DNAH1: variants seen among roughly 807,000 people sequenced by gnomAD.
The protein encoded by DNAH1 is dynein axonemal heavy chain 1, also known as axonemal beta dynein heavy chain 1.
DNAH1 carries 327 observed loss-of-function variants against 484.3 expected under a neutral mutation model. That is an observed-to-expected ratio of 0.68 (90% CI 0.62 to 0.74). The LOEUF is 0.74. Ranked by LOEUF, DNAH1 falls within the 30% of genes least tolerant of loss-of-function variation. The pLI is 0.00. For synonymous variants in DNAH1, 2,192 were observed against 2,191.9 expected (o/e 1.00, Z 0.00); for missense variants, 5,052 against 5,546.8 (o/e 0.91, Z 2.83).
At chr3:52,320,419 T>A (rs1173398627) in intron 1 of DNAH1, among the ~76,000 whole-genome samples, 1 of 152,252 alleles carries the variant, frequency 6.6e-6, no homozygotes, top group Non-Finnish European at 1.5e-5. Context: ...GGGCTGAATG[T>A]CTGGGGCTTC....
In DNAH1 at chr3:52,362,850, C is replaced by T; in HGVS notation, c.5095-145C>T. The T allele has an allele frequency of 8.8e-7, 1 of 1,131,098 alleles. No homozygotes were observed. The highest frequency in any genetic ancestry group is 1.3e-6 in the Non-Finnish European group (1 of 779,274). 70.1% of individuals were successfully genotyped at this position (1,131,098 alleles called of 1,614,324 possible). On this transcript the variant is annotated intron_variant, in intron 31 of 77. Transcript: ENST00000420323. The surrounding 1 kb of genome is among the most constrained non-coding windows in gnomAD (Gnocchi z 5.1). ...GGATCCACTCTAATGGCAGAGCTACCAGTCTCAGGGGAGTGAAAGCCTCAG... is the reference window on the plus strand; with the variant it reads ...GGATCCACTCTAATGGCAGAGCTACTAGTCTCAGGGGAGTGAAAGCCTCAG...
chr3:52,318,423 A>T (rs1159551947), intron 1 of DNAH1, among the ~76,000 whole-genome samples: 1 of 152,226 alleles, frequency 6.6e-6, no homozygotes, highest in African/African-American at 2.4e-5. Flanking sequence ...CCCCATGCTG[A>T]GCACGTGGCA....
chr3:52,364,528 A>C lies in DNAH1; in HGVS notation c.5245-110A>C. The C allele has an allele frequency of 8.1e-7, 1 of 1,231,736 alleles. No homozygotes were observed. The highest frequency in any genetic ancestry group is 1.5e-5 in the African/African-American group (1 of 67,458). 76.3% of individuals were successfully genotyped at this position (1,231,736 alleles called of 1,614,324 possible). The stretch of plus-strand genomic sequence containing the variant: ...CCAGCAGGTCTGCAAGGGAAGTGCT[A>C]TGAGCTGGTGATGAGACTTGGCCAA... On this transcript the variant is annotated intron_variant, in intron 32 of 77. Coordinates refer to ENST00000420323, the MANE Select transcript of DNAH1 (RefSeq NM_015512.5). The surrounding 1 kb of genome is among the most constrained non-coding windows in gnomAD (Gnocchi z 4.2).
chr3:52,388,785 C>G (rs1271366351), intron 58 of DNAH1, 21 bp from the exon 59 acceptor site: 1 of 1,612,390 alleles, frequency 6.2e-7, no homozygotes, highest in Admixed American at 1.7e-5. Context: ...CAGAGCCCAC[C>G]CCACGGGGCT....
chr3:52,375,840 G>A, intron 45 of DNAH1, 115 bp from the exon 46 acceptor site: 1 of 1,249,556 alleles, frequency 8.0e-7, no homozygotes, highest in Non-Finnish European at 1.1e-6. Context: ...CCTTTATGGG[G>A]TTTGGGGAAA....
At chr3:52,334,227 C>T (rs1170355250) in intron 8 of DNAH1, among the ~76,000 whole-genome samples, 1 of 152,108 alleles carries the variant, frequency 6.6e-6, no homozygotes, top group Non-Finnish European at 1.5e-5. Context: ...TGTAACACAA[C>T]GGCAAGTATT....
chr3:52,315,962 A>T (rs545029973), upstream of DNAH1, among the ~76,000 whole-genome samples: 1 of 152,314 alleles, frequency 6.6e-6, no homozygotes, highest in African/African-American at 2.4e-5. Flanking sequence ...GGCTGCTGGT[A>T]AAAGCAGCAC....
intron 41 of DNAH1, 32 bp from the exon 42 acceptor site, chr3:52,371,909 GGTTCC>G: frequency 1.9e-6 from 3 of 1,606,236 alleles, no homozygotes; most frequent in Non-Finnish European, 2.6e-6. Flanking sequence ...GGCAGGGAGG[GGTTCC>G]AGGCCCACTG....
intron 45 of DNAH1, 27 bp from the exon 46 acceptor site, chr3:52,375,928 C>A: frequency 2.5e-6 from 4 of 1,611,376 alleles, no homozygotes; most frequent in Non-Finnish European, 3.4e-6. Context: ...TAACCCTGAG[C>A]CCCGTGTTTC....
At chr3:52,366,691 C>T in intron 35 of DNAH1, 42 bp from the exon 36 acceptor site, 1 of 1,590,578 alleles carries the variant, frequency 6.3e-7, no homozygotes, top group Non-Finnish European at 8.6e-7. Flanking sequence ...CACTCTAGCC[C>T]TGCTCTCTGG....
In DNAH1 at chr3:52,357,734, A is replaced by G; in HGVS notation, c.3979A>G (p.Arg1327Gly). 2.5e-6 allele frequency: 4 copies of G among 1,576,514 alleles called. No individual in the cohort carries two copies. Among genetic ancestry groups the G allele is most frequent in the Non-Finnish European group, 3.4e-6 (4 of 1,161,036 alleles). Reference protein sequence around the residue: ...YLETKRSAFPRFYFLSDDELL... With the variant: ...YLETKRSAFPGFYFLSDDELL... The stretch of plus-strand genomic sequence containing the variant: ...GGAGACCAAGAGGAGCGCCTTCCCC[A>G]GGTGGGCGCCACCTGGCCATGCCCA... Residue 1327 changes from arginine (R) to glycine (G), a missense_variant and splice_region_variant, in exon 23 of 78, where the codon AGA (arginine) becomes GGA (glycine). Around this residue, in one of 4 missense-constraint regions of DNAH1, gnomAD observed 2,929 missense variants for 3,409.4 expected, o/e 0.86. Transcript: ENST00000420323.
In DNAH1 at chr3:52,398,023, C is replaced by A. The variant is rs529441029; in HGVS notation, c.11959-9C>A. On this transcript the variant is annotated splice_polypyrimidine_tract_variant and intron_variant, in intron 74 of 77. Coordinates refer to ENST00000420323, the MANE Select transcript of DNAH1 (RefSeq NM_015512.5). Reference sequence around the variant, plus strand: ...GCCTTGACCCCACAGTATTCCTTTGCCCCTGCAGATAGTGGAGGACGTCAC... The same window carrying A: ...GCCTTGACCCCACAGTATTCCTTTGACCCTGCAGATAGTGGAGGACGTCAC... The A allele has an allele frequency of 3.7e-6, 6 of 1,612,060 alleles. No individual in the cohort carries two copies. The South Asian group carries it at 5.5e-5, about 15-fold the overall frequency.
intron 12 of DNAH1, 64 bp from the exon 13 acceptor site, chr3:52,348,824 C>T (rs1227969682): frequency 7.7e-6 from 12 of 1,559,362 alleles, no homozygotes; most frequent in South Asian, 3.5e-5. Flanking sequence ...CTCCCCATCT[C>T]CCCTCTGCTC....
At chr3:52,397,928 C>T (rs924577405) in intron 74 of DNAH1, 51 bp downstream of exon 74, 49 of 1,573,476 alleles carry the variant, frequency 3.1e-5, no homozygotes, top group Non-Finnish European at 3.5e-5. Context: ...CTGGGCTTCA[C>T]CATCCTGCCC....
intron 60 of DNAH1, among the ~76,000 whole-genome samples, chr3:52,390,611 A>G (rs563190341): frequency 1.3e-5 from 2 of 152,336 alleles, no homozygotes; most frequent in African/African-American, 4.8e-5. Flanking sequence ...GTGAGCACTC[A>G]GTAGGCAAGA....
At position 52,322,580 on chromosome 3, in the gene DNAH1, C is replaced by T. The variant is rs893448378; in HGVS notation, c.138C>T (p.Asp46=). ...YNPGKILPGS[D]YGLGNPPALD... is the part of the protein sequence containing the mutation. Reference sequence around the variant, plus strand: ...CGGGGAAGATTCTTCCAGGATCAGACTATGGGTTGGGAAATCCTCCAGCCC... The same window carrying T: ...CGGGGAAGATTCTTCCAGGATCAGATTATGGGTTGGGAAATCCTCCAGCCC... The change falls in exon 2 of 78, where the codon GAC becomes GAT. Residue 46 remains aspartate, a synonymous_variant. Coordinates refer to ENST00000420323, the MANE Select transcript of DNAH1 (RefSeq NM_015512.5). The T allele has an allele frequency of 8.1e-6, 13 of 1,613,798 alleles. No individual in the cohort carries two copies. The highest frequency in any genetic ancestry group is 5.1e-6 in the Non-Finnish European group (6 of 1,179,868).
At chr3:52,322,919 A>T in intron 2 of DNAH1, 144 bp downstream of exon 2, 1 of 766,184 alleles carries the variant, frequency 1.3e-6, no homozygotes, top group Non-Finnish European at 2.1e-6. Flanking sequence ...CTATCCATCT[A>T]CCCCCTATTA....
Position 52,363,050 on chromosome 3 carries a change from T to G in DNAH1, c.5150T>G (p.Ile1717Ser). Residue 1717 changes from isoleucine to serine, a missense_variant, in exon 32 of 78, where the codon ATC becomes AGC. Physicochemically the swap from Ile to Ser is moderately radical, Grantham distance 142 (BLOSUM62 -2). Transcript: ENST00000420323. ...CCAGATTACGCCATGATCACTGAGA[T>G]CTCCCTCTATTCCTTTGGCTTTAAT... ...MVPDYAMITE[I>S]SLYSFGFNEA... 6.2e-7 allele frequency: 1 copy of G among 1,613,958 alleles called. No individual in the cohort carries two copies. The highest frequency in any genetic ancestry group is 1.1e-5 in the South Asian group (1 of 91,084).
chr3:52,362,890 G>A lies in DNAH1; in HGVS notation c.5095-105G>A. 3 of 1,501,884 alleles carry A rather than the reference G, an allele frequency of 2.0e-6. No homozygotes were observed. Among genetic ancestry groups the A allele is most frequent in the Non-Finnish European group, 2.7e-6 (3 of 1,098,164 alleles). 93.0% of individuals were successfully genotyped at this position (1,501,884 alleles called of 1,614,324 possible). On this transcript the variant is annotated intron_variant, in intron 31 of 77. Transcript: ENST00000420323. This position sits in a 1 kb window ranked among gnomAD's most constrained non-coding sequence, Gnocchi z 5.1. ...GAAAGCCTCAGCTGTGGCAGGCTTG[G>A]TGCAGCAGGGAGTCCCAGCGTGTTA...
Sources: allele counts gnomAD v4.1 joint callset (sites outside exome capture counted in the v4.1 genomes callset), GRCh38; gene constraint gnomAD v4.1.1; regional missense constraint gnomAD v4.1.1; non-coding constraint Gnocchi (gnomAD v3.1); transcripts MANE v1.5; gene names NCBI Gene and HGNC (gene_info 2026-07-23, HGNC 2026-07-21).